RCHY1: variants seen among roughly 807,000 people sequenced by gnomAD.
RCHY1 encodes the protein RING finger and CHY zinc finger domain-containing protein 1.
A neutral mutation model predicts 41.6 loss-of-function variants in RCHY1; 21 were observed. The observed-to-expected ratio is 0.51, with a 90% CI of 0.36 to 0.73. The LOEUF (loss-of-function observed/expected upper bound fraction) is 0.73, where lower values mean the gene tolerates loss of function less well. Among genes scored for constraint, RCHY1 ranks in the 30% least tolerant of loss-of-function variants. The pLI is 0.00. For synonymous variants in RCHY1, 79 were observed against 102.9 expected (o/e 0.77, Z 1.41); for missense variants, 265 against 325.3 (o/e 0.81, Z 1.43).
chr4:75,490,941 C>A, intron 7 of RCHY1: 1 of 335,668 alleles, frequency 3.0e-6, no homozygotes, highest in African/African-American at 2.1e-5. Context: ...AGGAATTAGT[C>A]CATATTCTTT....
At chr4:75,492,447 C>G (rs1722834656) in intron 4 of RCHY1, among the ~76,000 whole-genome samples, 1 of 151,902 alleles carries the variant, frequency 6.6e-6, no homozygotes, top group African/African-American at 2.4e-5. Context: ...ACAGTTAAAG[C>G]AGTGGAGGCC....
chr4:75,488,273 G>A (rs1722434375), intron 8 of RCHY1, among the ~76,000 whole-genome samples: 2 of 129,192 alleles, frequency 1.5e-5, no homozygotes, highest in Non-Finnish European at 1.8e-5. Flanking sequence ...TGTCAATCAT[G>A]TCTTTAACTA....
Position 75,479,739 on chromosome 4 carries a change from A to G in RCHY1, c.*2799T>C, listed in dbSNP as rs1485286603. The G allele has an allele frequency of 6.6e-6, 1 of 152,164 alleles. No homozygotes were observed. The highest frequency in any genetic ancestry group is 2.4e-5 in the African/African-American group (1 of 41,442). The allele number at this position is 152,164 out of a possible 1,614,324, so 9.4% of individuals were successfully genotyped here. A position where few individuals can be genotyped will look rare whatever the true frequency, so the allele number is the denominator to read the frequency against. ...TGTTATTTTACTTTTTTCAAAAATA[A>G]TCCAAATAAACTATAGATACAAATT... On this transcript the variant is annotated 3_prime_UTR_variant, in exon 9 of 9. Coordinates refer to ENST00000324439, the MANE Select transcript of RCHY1 (RefSeq NM_015436.4).
chr4:75,509,017 T>C (rs1724603511), intron 2 of RCHY1, 82 bp from the exon 3 acceptor site: 1 of 1,163,656 alleles, frequency 8.6e-7, no homozygotes, highest in South Asian at 1.5e-5. Context: ...TATGTTCAAC[T>C]ATATGCAGTT....
Position 75,514,321 on chromosome 4 carries a change from C to A in RCHY1, c.-35G>T. ...CTCCCCTCACATTCCACCGATCCTT[C>A]CCCCAGGATAAAAACCACGCCCAGA... On this transcript the variant is annotated 5_prime_UTR_variant, in exon 1 of 9. Transcript: ENST00000324439. 6.3e-7 allele frequency: 1 copy of A among 1,593,642 alleles called. No individual in the cohort carries two copies. Among genetic ancestry groups the A allele is most frequent in the African/African-American group, 1.3e-5 (1 of 74,712 alleles).
In RCHY1 at chr4:75,491,757, GCAA is replaced by G; in HGVS notation, c.473_475del (p.Val158del). 6.2e-6 allele frequency: 10 copies of G among 1,612,966 alleles called. No individual in the cohort carries two copies. The highest frequency in any genetic ancestry group is 8.5e-6 in the Non-Finnish European group (10 of 1,179,296). ...AAGATGTCCACATGGCAAGACATGA[GCAA>G]CAACACGGGATGTGTGAATGTCCTG... is the stretch of plus-strand genomic sequence containing the variant. On this transcript the variant is annotated inframe_deletion, in exon 6 of 9. Transcript: ENST00000324439.
In RCHY1 at chr4:75,487,444, AAT is replaced by A. The variant is rs1159387806; in HGVS notation, c.657+3135_657+3136del. Among the ~76,000 whole-genome samples, 22 of 139,720 alleles carry A rather than the reference AAT, an allele frequency of 1.6e-4. No homozygotes were observed. The East Asian group carries it at 1.8e-3, about 12-fold the overall frequency. The allele number at this position is 139,720 out of a possible 152,430, so 91.7% of individuals were successfully genotyped here. A position where few individuals can be genotyped will look rare whatever the true frequency, so the allele number is the denominator to read the frequency against. On this transcript the variant is annotated intron_variant, in intron 8 of 8. Coordinates refer to ENST00000324439, the MANE Select transcript of RCHY1 (RefSeq NM_015436.4). ...TTGGCTATATAAATGACTATATATA[AAT>A]ATATATATAGTCATATATATATTCA...
intron 7 of RCHY1, chr4:75,491,290 A>G (rs1420488748): frequency 4.6e-6 from 1 of 215,494 alleles, no homozygotes; most frequent in African/African-American, 2.3e-5. Context: ...AATTTTTGGC[A>G]ATATTTTTCA....
Position 75,480,765 on chromosome 4 carries a change from A to G in RCHY1, c.*1773T>C, listed in dbSNP as rs1268469023. The G allele has an allele frequency of 1.3e-5, 2 of 152,254 alleles. No individual in the cohort carries two copies. Among genetic ancestry groups the G allele is most frequent in the Admixed American group, 6.5e-5 (1 of 15,270 alleles). The allele number at this position is 152,254 out of a possible 1,614,324, so 9.4% of individuals were successfully genotyped here. ...CATGCCTGTAATCCTAGCCCTTGGA[A>G]GGCCGAGGTAGGAGAAATGCTTGAG... On this transcript the variant is annotated 3_prime_UTR_variant, in exon 9 of 9. Transcript: ENST00000324439.
In RCHY1 at chr4:75,512,164, T is replaced by C. The variant is rs1000587755; in HGVS notation, c.90+2033A>G. ...ACCGTCCTTGCTGGTTCATATGAGG[T>C]GGACACTTACTACCACGTTTCCCTG... On this transcript the variant is annotated intron_variant, in intron 1 of 8. Coordinates refer to ENST00000324439, the MANE Select transcript of RCHY1 (RefSeq NM_015436.4). Among the ~76,000 whole-genome samples, 4 of 152,310 alleles carry C rather than the reference T, an allele frequency of 2.6e-5. 1 individual carries two copies. In the South Asian group the frequency reaches 6.2e-4, roughly 24 times the overall value.
chr4:75,506,141 A>C (rs1274919242), intron 3 of RCHY1, among the ~76,000 whole-genome samples: 1 of 151,930 alleles, frequency 6.6e-6, no homozygotes, highest in Admixed American at 6.5e-5. Context: ...AAAAAAAAAA[A>C]AAACAAAAAT....
At position 75,504,509 on chromosome 4, in the gene RCHY1, A is replaced by ATCT. The variant is rs554648972; in HGVS notation, c.326+4310_326+4311insAGA. ...CTCTAGTTTATCCTAAGAATATAGTATATAATACATATAACATACAAAATA... is the reference window on the plus strand; with the variant it reads ...CTCTAGTTTATCCTAAGAATATAGTATCTTATAATACATATAACATACAAAATA... On this transcript the variant is annotated intron_variant, in intron 3 of 8. Coordinates refer to ENST00000324439, the MANE Select transcript of RCHY1 (RefSeq NM_015436.4). Among the ~76,000 whole-genome samples, 27 of 152,354 alleles carry ATCT rather than the reference A, an allele frequency of 1.8e-4. No homozygotes were observed. In the East Asian group the frequency reaches 5.2e-3, roughly 29 times the overall value.
chr4:75,508,760 A>T (rs1578239956), intron 3 of RCHY1, 60 bp downstream of exon 3: 1 of 933,152 alleles, frequency 1.1e-6, no homozygotes, highest in Non-Finnish European at 1.6e-6. Flanking sequence ...AGTTGATTTT[A>T]AAAACTATTA....
At chr4:75,491,826 A>G in intron 5 of RCHY1, 44 bp from the exon 6 acceptor site, 1 of 1,603,088 alleles carries the variant, frequency 6.2e-7, no homozygotes, top group Non-Finnish European at 8.5e-7. Context: ...AGACAATATA[A>G]ACATCCAAGT....
intron 3 of RCHY1, among the ~76,000 whole-genome samples, chr4:75,494,937 C>A (rs1723054688): frequency 6.6e-6 from 1 of 151,852 alleles, no homozygotes; most frequent in African/African-American, 2.4e-5. Context: ...CATTAATGAA[C>A]TACTTGGATT....
In RCHY1 at chr4:75,489,046, G is replaced by A. The variant is rs187679043; in HGVS notation, c.657+1535C>T. ...GCCGAGATTGTGCCACTGCACTCCA[G>A]GCTGCACAACAAGAGCAAGACTCTG... On this transcript the variant is annotated intron_variant, in intron 8 of 8. Transcript: ENST00000324439. Among the ~76,000 whole-genome samples, 3 of 151,974 alleles carry A rather than the reference G, an allele frequency of 2.0e-5. No homozygotes were observed. In the East Asian group the frequency reaches 5.8e-4, roughly 29 times the overall value.
chr4:75,487,645 ATATATTCATAAT>A (rs1560512964), intron 8 of RCHY1, among the ~76,000 whole-genome samples: 1,131 of 51,362 alleles, frequency 0.022, 79 homozygotes, highest in Non-Finnish European at 0.025. Flanking sequence ...ATATATTCAT[ATATATTCATAAT>A]ATATATATTC....
At chr4:75,512,343 T>A (rs1356249628) in intron 1 of RCHY1, among the ~76,000 whole-genome samples, 1 of 152,230 alleles carries the variant, frequency 6.6e-6, no homozygotes, top group African/African-American at 2.4e-5. Context: ...TACTTCCTGC[T>A]GACAGGCCTG....
chr4:75,497,304 G>A (rs967680132), intron 3 of RCHY1, among the ~76,000 whole-genome samples: 1 of 152,120 alleles, frequency 6.6e-6, no homozygotes, highest in African/African-American at 2.4e-5. Flanking sequence ...ATAGTTAACT[G>A]TAACCTAACT....
Sources: gnomAD v4.1 joint callset for allele counts (sites outside exome capture counted in the v4.1 genomes callset) on GRCh38, gnomAD v4.1.1 for gene constraint, MANE v1.5 for transcripts, NCBI Gene and HGNC (gene_info 2026-07-23, HGNC 2026-07-21) for gene names.